The following KCND2 variants were observed in gnomAD, a reference collection of about 807,000 sequenced individuals.
The protein encoded by KCND2 is potassium voltage-gated channel subfamily D member 2, also known as A-type voltage-gated potassium channel KCND2.
Under a neutral mutation model 54.4 loss-of-function variants are expected in KCND2, and 16 were observed. The ratio of observed to expected loss-of-function variants is 0.29; its 90% CI spans 0.20 to 0.45. The LOEUF is 0.45. Ranked by LOEUF, KCND2 falls within the 20% of genes least tolerant of loss-of-function variation. KCND2 has a pLI of 1.00. For synonymous variants in KCND2, 317 were observed against 310.7 expected (o/e 1.02, Z -0.21); for missense variants, 486 against 824.2 (o/e 0.59, Z 5.02).
chr7:120,314,622 A>G (rs1304392202), intron 1 of KCND2, among the ~76,000 whole-genome samples: 1 of 152,206 alleles, frequency 6.6e-6, no homozygotes, highest in Admixed American at 6.5e-5. Flanking sequence ...TACAGCTAAT[A>G]TATGTCAGGG....
At chr7:120,345,840 T>A (rs1312545594) in intron 1 of KCND2, among the ~76,000 whole-genome samples, 1 of 152,232 alleles carries the variant, frequency 6.6e-6, no homozygotes, top group Non-Finnish European at 1.5e-5. Flanking sequence ...ATCTTGTTTT[T>A]AATCCTTTTG....
At chr7:120,410,382 G>T (rs1329331509) in intron 1 of KCND2, among the ~76,000 whole-genome samples, 3 of 151,588 alleles carry the variant, frequency 2.0e-5, no homozygotes, top group African/African-American at 7.3e-5. Context: ...GGTTCTTTGG[G>T]TCCATGTAAA....
At chr7:120,352,908 G>A (rs1584743282) in intron 1 of KCND2, among the ~76,000 whole-genome samples, 1 of 151,914 alleles carries the variant, frequency 6.6e-6, no homozygotes, top group South Asian at 2.1e-4. Flanking sequence ...ATAAGTTAAA[G>A]TTAAGAAGAT....
chr7:120,591,328 G>C (rs1034562446), intron 1 of KCND2, among the ~76,000 whole-genome samples: 1 of 152,142 alleles, frequency 6.6e-6, no homozygotes. Flanking sequence ...TGAAAAAGTG[G>C]ATTGGCCTAC....
chr7:120,742,236 C>A, intron 3 of KCND2: 1 of 406,494 alleles, frequency 2.5e-6, no homozygotes, highest in Non-Finnish European at 4.6e-6. Flanking sequence ...TAACAGATTC[C>A]CATCTTACAA....
Position 120,750,097 on chromosome 7 carries a change from A to AAT in KCND2, c.*2243_*2244dup, listed in dbSNP as rs1793053539. On this transcript the variant is annotated 3_prime_UTR_variant, in exon 6 of 6. Coordinates refer to ENST00000331113, the MANE Select transcript of KCND2 (RefSeq NM_012281.3). Reference sequence around the variant, plus strand: ...TTTTTGATGTTTTAGGTGATTTAAAAATATACCGTGTTGGTGGTGAATGAC... The same window carrying AAT: ...TTTTTGATGTTTTAGGTGATTTAAAAATATATACCGTGTTGGTGGTGAATGAC... 1 of 152,350 alleles carries AAT rather than the reference A, an allele frequency of 6.6e-6. No individual in the cohort carries two copies. Among genetic ancestry groups the AAT allele is most frequent in the East Asian group, 1.9e-4 (1 of 5,200 alleles). 9.4% of individuals were successfully genotyped at this position (152,350 alleles called of 1,614,324 possible). A position where few individuals can be genotyped will look rare whatever the true frequency, so the allele number is the denominator to read the frequency against.
chr7:120,497,836 G>A (rs991740780), intron 1 of KCND2, among the ~76,000 whole-genome samples: 1 of 152,112 alleles, frequency 6.6e-6, no homozygotes, highest in Non-Finnish European at 1.5e-5. Context: ...TGATAAAATA[G>A]TTTCACTTCA....
chr7:120,331,448 A>G (rs1800067686), intron 1 of KCND2, among the ~76,000 whole-genome samples: 1 of 151,920 alleles, frequency 6.6e-6, no homozygotes, highest in African/African-American at 2.4e-5. Context: ...AAATTATTTT[A>G]TCCTTATCCT....
chr7:120,603,620 C>A (rs926769660), intron 1 of KCND2, among the ~76,000 whole-genome samples: 1 of 152,154 alleles, frequency 6.6e-6, no homozygotes, highest in Non-Finnish European at 1.5e-5. Context: ...CAAATCCTAG[C>A]CCTACACTTA....
chr7:120,282,130 G>A (rs1161053200), intron 1 of KCND2, among the ~76,000 whole-genome samples: 1 of 152,036 alleles, frequency 6.6e-6, no homozygotes, highest in Non-Finnish European at 1.5e-5. Context: ...TCATGATATA[G>A]GTGAATCAAC....
At chr7:120,747,581 T>C in intron 5 of KCND2, 100 bp from the exon 6 acceptor site, 1 of 805,202 alleles carries the variant, frequency 1.2e-6, no homozygotes, top group Non-Finnish European at 2.0e-6. Flanking sequence ...CCTTAGACAA[T>C]TAAAATATTT....
intron 1 of KCND2, among the ~76,000 whole-genome samples, chr7:120,415,942 C>T (rs1031365980): frequency 1.3e-5 from 2 of 152,108 alleles, no homozygotes; most frequent in African/African-American, 2.4e-5. Flanking sequence ...TCATTCTGAA[C>T]GTCTTTGTTT....
At chr7:120,377,964 AT>A (rs1357906629) in intron 1 of KCND2, among the ~76,000 whole-genome samples, 1 of 151,918 alleles carries the variant, frequency 6.6e-6, no homozygotes, top group Non-Finnish European at 1.5e-5. Context: ...CAATTAAATT[AT>A]TGGTTCATAA....
intron 1 of KCND2, among the ~76,000 whole-genome samples, chr7:120,578,091 GAGAGGA>G (rs1231003280): frequency 6.6e-5 from 10 of 151,570 alleles, no homozygotes; most frequent in Middle Eastern, 6.8e-3. Context: ...GAAGGAGAAG[GAGAGGA>G]AGAGGAAGAG....
chr7:120,513,747 G>A (rs1016768027), intron 1 of KCND2, among the ~76,000 whole-genome samples: 6 of 151,986 alleles, frequency 3.9e-5, no homozygotes, highest in African/African-American at 1.4e-4. Context: ...TTTTGCACAT[G>A]TAAGTATAAC....
At chr7:120,554,625 G>T (rs962802390) in intron 1 of KCND2, among the ~76,000 whole-genome samples, 1 of 152,078 alleles carries the variant, frequency 6.6e-6, no homozygotes, top group Non-Finnish European at 1.5e-5. Context: ...AGCCAGGATG[G>T]TGTCGATCTC....
At chr7:120,336,955 A>G (rs1288717978) in intron 1 of KCND2, among the ~76,000 whole-genome samples, 5 of 152,174 alleles carry the variant, frequency 3.3e-5, no homozygotes, top group South Asian at 2.1e-4. Flanking sequence ...TAAGCTCTCT[A>G]TCTCCACCTG....
At chr7:120,320,492 A>G (rs983024388) in intron 1 of KCND2, among the ~76,000 whole-genome samples, 1 of 152,154 alleles carries the variant, frequency 6.6e-6, no homozygotes, top group African/African-American at 2.4e-5. Flanking sequence ...AAGGTGGCAA[A>G]TTAGGGAAAA....
At chr7:120,317,681 G>A (rs1799833005) in intron 1 of KCND2, among the ~76,000 whole-genome samples, 1 of 152,134 alleles carries the variant, frequency 6.6e-6, no homozygotes, top group Non-Finnish European at 1.5e-5. Flanking sequence ...CATTTGATTT[G>A]TGTAACTCTA....
Sources: allele counts gnomAD v4.1 joint callset (sites outside exome capture counted in the v4.1 genomes callset), GRCh38; gene constraint gnomAD v4.1.1; transcripts MANE v1.5; gene names NCBI Gene and HGNC (gene_info 2026-07-23, HGNC 2026-07-21).